NCKAP5: variants seen among roughly 807,000 people sequenced by gnomAD.
NCKAP5 encodes nck-associated protein 5.
NCKAP5 carries 92 observed loss-of-function variants against 167.0 expected under a neutral mutation model. The observed-to-expected ratio is 0.55, with a 90% CI of 0.47 to 0.66. The LOEUF is 0.66. Among genes scored for constraint, NCKAP5 ranks in the 30% least tolerant of loss-of-function variants. The pLI is 0.00. For missense variants in NCKAP5, 2,378 were observed against 2,315.0 expected (o/e 1.03, Z -0.56); for synonymous variants, 891 against 877.4 (o/e 1.02, Z -0.27).
chr2:132,939,317 C>A (rs1697102481), intron 8 of NCKAP5, among the ~76,000 whole-genome samples: 1 of 152,150 alleles, frequency 6.6e-6, no homozygotes, highest in Non-Finnish European at 1.5e-5. Context: ...CTATTACAAG[C>A]CAGCTTACTG....
chr2:133,017,050 C>T (rs543098895), intron 6 of NCKAP5, among the ~76,000 whole-genome samples: 1 of 152,190 alleles, frequency 6.6e-6, no homozygotes, highest in Non-Finnish European at 1.5e-5. Flanking sequence ...ATCCTTTCCA[C>T]ACCAACCTTC....
the NCKAP5 span, among the ~76,000 whole-genome samples, chr2:133,640,796 C>T: frequency 1.8e-4 from 27 of 152,174 alleles, no homozygotes; most frequent in African/African-American, 6.3e-4. Context: ...GCTTAAATGG[C>T]TCAAATTCAC....
intron 6 of NCKAP5, among the ~76,000 whole-genome samples, chr2:133,054,577 G>T (rs950835355): frequency 3.3e-5 from 5 of 152,216 alleles, no homozygotes; most frequent in African/African-American, 7.2e-5. Flanking sequence ...TGTCCTAGGG[G>T]AGGTAGATGG....
rs555374931 is a variant in NCKAP5 at position 132,889,793 on chromosome 2, A to G, written c.580-10877T>C. Among the ~76,000 whole-genome samples the G allele has an allele frequency of 3.5e-4, 53 of 152,368 alleles. 1 individual carries two copies. The highest frequency in any genetic ancestry group is 1.2e-3 in the African/African-American group (48 of 41,588). ...ATGAAAGCAAATAATGTCAGACACT[A>G]TCTAATACCCACTGCAGAGAAAACC... On this transcript the variant is annotated intron_variant, in intron 8 of 19. Transcript: ENST00000409261.
intron 3 of NCKAP5, among the ~76,000 whole-genome samples, chr2:133,506,383 G>A (rs1216361447): frequency 1.3e-5 from 2 of 152,190 alleles, no homozygotes; most frequent in Non-Finnish European, 2.9e-5. Flanking sequence ...CAATGTGCTG[G>A]ATACACTCGT....
chr2:133,155,886 A>T (rs191015298), intron 5 of NCKAP5, among the ~76,000 whole-genome samples: 1 of 152,364 alleles, frequency 6.6e-6, no homozygotes, highest in Admixed American at 6.5e-5. Flanking sequence ...AGCCAAAATA[A>T]GTCTTTCTCT....
At chr2:133,016,455 G>A (rs986835783) in intron 6 of NCKAP5, among the ~76,000 whole-genome samples, 1 of 152,178 alleles carries the variant, frequency 6.6e-6, no homozygotes, top group Non-Finnish European at 1.5e-5. Flanking sequence ...ATCTTTACAG[G>A]CCTTCCGTGT....
At chr2:133,412,060 G>A (rs867454403) in intron 3 of NCKAP5, among the ~76,000 whole-genome samples, 3 of 152,158 alleles carry the variant, frequency 2.0e-5, no homozygotes, top group Non-Finnish European at 4.4e-5. Flanking sequence ...GGTCACAGTA[G>A]TCACTGCTTT....
intron 2 of NCKAP5, among the ~76,000 whole-genome samples, chr2:133,525,605 C>A (rs1684807070): frequency 6.6e-6 from 1 of 152,230 alleles, no homozygotes; most frequent in African/African-American, 2.4e-5. Flanking sequence ...TCAGTAATTT[C>A]TCTCACTATT....
intron 19 of NCKAP5, among the ~76,000 whole-genome samples, chr2:132,698,938 G>A (rs764569808): frequency 6.6e-6 from 1 of 152,182 alleles, no homozygotes; most frequent in Non-Finnish European, 1.5e-5. Flanking sequence ...AATGTATGTT[G>A]TAACAAGCCT....
At chr2:133,110,505 A>T (rs2081871727) in intron 6 of NCKAP5, among the ~76,000 whole-genome samples, 1 of 152,176 alleles carries the variant, frequency 6.6e-6, no homozygotes, top group African/African-American at 2.4e-5. Flanking sequence ...ATCAACCAGG[A>T]GGGAAGTATT....
At chr2:133,475,240 T>A (rs552446067) in intron 3 of NCKAP5, among the ~76,000 whole-genome samples, 31 of 152,208 alleles carry the variant, frequency 2.0e-4, no homozygotes, top group Non-Finnish European at 3.8e-4. Context: ...CCCATAAGTT[T>A]GCAACTATAG....
intron 7 of NCKAP5, among the ~76,000 whole-genome samples, chr2:132,992,268 A>C (rs2077471354): frequency 6.6e-6 from 1 of 152,176 alleles, no homozygotes; most frequent in Non-Finnish European, 1.5e-5. Context: ...GGTTATGGAG[A>C]GGTAATAGTT....
intron 3 of NCKAP5, among the ~76,000 whole-genome samples, chr2:133,315,777 T>C (rs1019076660): frequency 7.9e-5 from 12 of 152,150 alleles, no homozygotes; most frequent in African/African-American, 2.9e-4. Flanking sequence ...ATAGTGGCCA[T>C]TAGCGGCCCG....
At chr2:133,579,946 A>C in the NCKAP5 span, among the ~76,000 whole-genome samples, 1 of 152,218 alleles carries the variant, frequency 6.6e-6, no homozygotes, top group Non-Finnish European at 1.5e-5. Flanking sequence ...AGAATACATA[A>C]ATATTTTTGG....
intron 8 of NCKAP5, among the ~76,000 whole-genome samples, chr2:132,956,736 T>A (rs2076355458): frequency 6.6e-6 from 1 of 152,316 alleles, no homozygotes; most frequent in Non-Finnish European, 1.5e-5. Context: ...GAAACTGTTG[T>A]TACCGAGGTC....
chr2:133,187,914 C>T (rs913495431), intron 5 of NCKAP5, among the ~76,000 whole-genome samples: 1 of 151,978 alleles, frequency 6.6e-6, no homozygotes, highest in Admixed American at 6.6e-5. Flanking sequence ...ACTGATGGGT[C>T]TTGAATCTAT....
At chr2:133,638,857 C>CAAAAAAAAAAAAAAAA in the NCKAP5 span, among the ~76,000 whole-genome samples, 17 of 84,098 alleles carry the variant, frequency 2.0e-4, no homozygotes, top group African/African-American at 6.3e-4. Context: ...GACTCTATCT[C>CAAAAAAAAAAAAAAAA]AAAAAAAAAA....
intron 4 of NCKAP5, among the ~76,000 whole-genome samples, chr2:133,282,440 A>T (rs1215046720): frequency 1.3e-5 from 2 of 152,166 alleles, no homozygotes; most frequent in Non-Finnish European, 2.9e-5. Flanking sequence ...CCTTATAAGT[A>T]ACATTGATCC....
Sources: gnomAD v4.1 joint callset for allele counts (sites outside exome capture counted in the v4.1 genomes callset) on GRCh38, gnomAD v4.1.1 for gene constraint, MANE v1.5 for transcripts, NCBI Gene and HGNC (gene_info 2026-07-23, HGNC 2026-07-21) for gene names.